CDHR4: variants seen among roughly 807,000 people sequenced by gnomAD.
CDHR4 encodes the protein cadherin-related family member 4.
Under a neutral mutation model 88.4 loss-of-function variants are expected in CDHR4, and 89 were observed. The observed-to-expected ratio is 1.01, with a 90% CI of 0.85 to 1.20. The LOEUF (loss-of-function observed/expected upper bound fraction) is 1.20, where lower values mean the gene tolerates loss of function less well. Ranked by LOEUF, CDHR4 falls within the 50% of genes most tolerant of loss-of-function variation. The pLI is 0.00. For missense variants in CDHR4, 914 were observed against 1,007.2 expected (o/e 0.91, Z 1.25); for synonymous variants, 368 against 399.2 (o/e 0.92, Z 0.93).
chr3:49,799,733 A>T (rs2081334940), intron 1 of CDHR4, 31 bp downstream of exon 1: 2 of 1,612,146 alleles, frequency 1.2e-6, no homozygotes, highest in African/African-American at 2.7e-5. Context: ...CCAAGGGAAA[A>T]CTACGGTTCC....
At chr3:49,797,909 T>C (rs1221735459) in intron 4 of CDHR4, among the ~76,000 whole-genome samples, 1 of 87,272 alleles carries the variant, frequency 1.1e-5, no homozygotes, top group African/African-American at 6.1e-5. Flanking sequence ...TTTTAAATAC[T>C]TTTTTTTTTT....
In CDHR4 at chr3:49,798,864, T is replaced by C; in HGVS notation, c.457A>G (p.Thr153Ala). ...ETVTPGARLY[T>A]LLLPGLELHG... Reference sequence around the variant, plus strand: ...AGTTCTAGGCCTGGGAGGAGCAGAGTGTACAGCCGAGCCCCAGGTGTGACT... The same window carrying C: ...AGTTCTAGGCCTGGGAGGAGCAGAGCGTACAGCCGAGCCCCAGGTGTGACT... The change falls in exon 4 of 19, where the codon ACT becomes GCT. Residue 153 changes from threonine (T) to alanine (A), a missense_variant. Coordinates refer to ENST00000412678, the MANE Select transcript of CDHR4 (RefSeq NM_001007540.4). The C allele has an allele frequency of 1.2e-6, 2 of 1,613,696 alleles. No individual in the cohort carries two copies. Among genetic ancestry groups the C allele is most frequent in the South Asian group, 1.1e-5 (1 of 91,066 alleles).
At chr3:49,791,993 G>A in intron 15 of CDHR4, 34 bp from the exon 16 acceptor site, 2 of 1,549,388 alleles carry the variant, frequency 1.3e-6, no homozygotes, top group South Asian at 1.2e-5. Context: ...AAGCAGTGAG[G>A]GCAGCAGGCC....
chr3:49,791,599 C>A, intron 17 of CDHR4, 115 bp downstream of exon 17: 1 of 1,475,804 alleles, frequency 6.8e-7, no homozygotes, highest in Non-Finnish European at 9.2e-7. Context: ...GTGGGCATTT[C>A]CACAAGGATA....
At chr3:49,794,765 G>A in intron 9 of CDHR4, 64 bp from the exon 10 acceptor site, 1 of 1,457,236 alleles carries the variant, frequency 6.9e-7, no homozygotes, top group Non-Finnish European at 9.3e-7. Flanking sequence ...GCCACACGGG[G>A]CTGCTGTAGG....
rs993301166 is a variant in CDHR4, at chr3:49,795,401, A to G, written c.848-22T>C. 4 of 1,547,844 alleles carry G rather than the reference A, an allele frequency of 2.6e-6. No individual in the cohort carries two copies. Among genetic ancestry groups the G allele is most frequent in the Non-Finnish European group, 3.5e-6 (4 of 1,146,618 alleles). On this transcript the variant is annotated intron_variant, in intron 7 of 18. Transcript: ENST00000412678. This position sits in a 1 kb window ranked among gnomAD's most constrained non-coding sequence, Gnocchi z 5.4. ...TCTGCTGCATGGGGTGAGAGAACAC[A>G]GAGGTCAGGGGTCAGGGAACACAGA... is the stretch of plus-strand genomic sequence containing the variant.
At chr3:49,794,548 G>A (rs529086299) in intron 10 of CDHR4, 60 bp downstream of exon 10, 29 of 1,339,472 alleles carry the variant, frequency 2.2e-5, no homozygotes, top group African/African-American at 8.7e-5. Flanking sequence ...TCCTGAGCAT[G>A]GGAAGCGGGA....
chr3:49,794,234 T>C (rs1053634125), intron 10 of CDHR4, among the ~76,000 whole-genome samples: 2 of 152,110 alleles, frequency 1.3e-5, no homozygotes, highest in South Asian at 2.1e-4. Context: ...CCGTCTCTAC[T>C]GAAAATACAA....
intron 18 of CDHR4, among the ~76,000 whole-genome samples, chr3:49,791,208 G>A (rs778336532): frequency 3.9e-5 from 6 of 152,252 alleles, no homozygotes; most frequent in East Asian, 3.9e-4. Flanking sequence ...CCCTCCTCCC[G>A]TTGTGGGCAG....
chr3:49,791,220 G>A (rs922436086), intron 18 of CDHR4, among the ~76,000 whole-genome samples: 2 of 152,182 alleles, frequency 1.3e-5, no homozygotes, highest in Non-Finnish European at 2.9e-5. Flanking sequence ...TGTGGGCAGA[G>A]ACCAGACCAG....
chr3:49,797,609 A>G (rs1462784169), intron 4 of CDHR4, among the ~76,000 whole-genome samples: 3 of 151,860 alleles, frequency 2.0e-5, no homozygotes, highest in East Asian at 2.0e-4. Context: ...AGCCTCCCGA[A>G]TAGCTGAGAT....
chr3:49,802,658 C>G (rs2081377211), upstream of CDHR4, among the ~76,000 whole-genome samples: 1 of 152,252 alleles, frequency 6.6e-6, no homozygotes. Context: ...GACCCTCAGT[C>G]TGCACCTGGT....
rs142344163 is a variant in CDHR4, at chr3:49,791,697, A to T, written c.2283+17T>A. 1.5e-4 allele frequency: 232 copies of T among 1,551,348 alleles called. 1 individual carries two copies. The African/African-American group carries it at 2.8e-3, about 19-fold the overall frequency. On this transcript the variant is annotated intron_variant, in intron 17 of 18. Coordinates refer to ENST00000412678, the MANE Select transcript of CDHR4 (RefSeq NM_001007540.4). ...GCACCCTTGGTGTCCACTACTTGAG[A>T]TGGTGAGCTGACATACCAGACTCAT...
At chr3:49,791,605 G>A in intron 17 of CDHR4, 109 bp downstream of exon 17, 7 of 1,471,202 alleles carry the variant, frequency 4.8e-6, no homozygotes, top group Non-Finnish European at 6.5e-6. Flanking sequence ...ATTTCCACAA[G>A]GATACCCATT....
chr3:49,794,352 C>T (rs545808294), intron 10 of CDHR4, among the ~76,000 whole-genome samples: 3 of 151,396 alleles, frequency 2.0e-5, no homozygotes, highest in Non-Finnish European at 2.9e-5. Context: ...GAGCCAGGAT[C>T]GTGCCACTGC....
chr3:49,792,659 C>A (rs2081199282), intron 14 of CDHR4, 49 bp from the exon 15 acceptor site: 1 of 1,547,350 alleles, frequency 6.5e-7, no homozygotes, highest in Non-Finnish European at 8.7e-7. Flanking sequence ...AATGCCCTGA[C>A]CATCCAGCCT....
chr3:49,796,356 T>C (rs2081270599), intron 5 of CDHR4, among the ~76,000 whole-genome samples: 1 of 151,628 alleles, frequency 6.6e-6, no homozygotes, highest in Admixed American at 6.6e-5. Context: ...ACCATTTTAC[T>C]CAGAACTTTT....
chr3:49,792,035 A>G, intron 15 of CDHR4, 76 bp from the exon 16 acceptor site: 1 of 1,395,040 alleles, frequency 7.2e-7, no homozygotes, highest in Non-Finnish European at 9.9e-7. Context: ...CCATTCACCC[A>G]TTCCTTTATA....
intron 4 of CDHR4, 40 bp downstream of exon 4, chr3:49,798,786 C>A: frequency 3.8e-6 from 6 of 1,588,368 alleles, no homozygotes; most frequent in Non-Finnish European, 5.2e-6. Context: ...CATCCCCCCA[C>A]CCCCATCCTG....
Sources: gnomAD v4.1 joint callset for allele counts (sites outside exome capture counted in the v4.1 genomes callset) on GRCh38, gnomAD v4.1.1 for gene constraint, Gnocchi (gnomAD v3.1) non-coding constraint, MANE v1.5 for transcripts, NCBI Gene and HGNC (gene_info 2026-07-23, HGNC 2026-07-21) for gene names.